NEK11: variants seen among roughly 807,000 people sequenced by gnomAD.
NEK11 encodes serine/threonine-protein kinase Nek11.
A neutral mutation model predicts 80.7 loss-of-function variants in NEK11; 72 were observed. That is an observed-to-expected ratio of 0.89 (90% confidence interval 0.74 to 1.08). The LOEUF is 1.08. NEK11 is among the 50% of genes least tolerant of loss of function. NEK11 has a pLI of 0.00. For missense variants in NEK11, 764 were observed against 763.6 expected (o/e 1.00, Z -0.01); for synonymous variants, 251 against 260.7 (o/e 0.96, Z 0.36).
intron 17 of NEK11, among the ~76,000 whole-genome samples, chr3:131,289,239 G>T (rs1190707893): frequency 6.6e-6 from 1 of 152,266 alleles, no homozygotes; most frequent in Middle Eastern, 3.4e-3. Context: ...GTCTCTGTGA[G>T]TTCAAATTTC....
intron 17 of NEK11, chr3:131,329,857 T>C (rs1191435582): frequency 6.6e-6 from 1 of 152,306 alleles, no homozygotes; most frequent in Non-Finnish European, 1.5e-5. Flanking sequence ...GGGAGGAAGG[T>C]AGGCAATCTG....
At chr3:131,197,287 G>A (rs1262760831) in intron 14 of NEK11, among the ~76,000 whole-genome samples, 1 of 152,112 alleles carries the variant, frequency 6.6e-6, no homozygotes, top group African/African-American at 2.4e-5. Flanking sequence ...GGGCGTAGTG[G>A]GGGTTATGCA....
chr3:131,164,813 T>C (rs1199289538), intron 11 of NEK11, among the ~76,000 whole-genome samples: 1 of 152,210 alleles, frequency 6.6e-6, no homozygotes, highest in Non-Finnish European at 1.5e-5. Context: ...AGAATTATAA[T>C]GTACCCGTTT....
At chr3:131,087,587 G>C (rs1032423064) in intron 4 of NEK11, among the ~76,000 whole-genome samples, 3 of 152,138 alleles carry the variant, frequency 2.0e-5, no homozygotes, top group Non-Finnish European at 4.4e-5. Context: ...TTTGAGGCAA[G>C]TACTTTCCGA....
At chr3:131,106,386 CT>C (rs2079187791) in intron 4 of NEK11, among the ~76,000 whole-genome samples, 1 of 150,614 alleles carries the variant, frequency 6.6e-6, no homozygotes, top group African/African-American at 2.4e-5. Flanking sequence ...CTATTTGACT[CT>C]TGCTTTTAAC....
intron 3 of NEK11, among the ~76,000 whole-genome samples, chr3:131,069,577 C>A (rs2072814381): frequency 6.6e-6 from 1 of 151,822 alleles, no homozygotes; most frequent in South Asian, 2.1e-4. Context: ...GGAACCAACC[C>A]AAATGTCCAA....
At position 131,286,832 on chromosome 3, in the gene NEK11, A is replaced by T. The variant is rs866655600; in HGVS notation, c.1718+13258A>T. On this transcript the variant is annotated intron_variant, in intron 17 of 17. Transcript: ENST00000383366. ...ATTGACAAAAAAAATTTACAAAGAGATTATTTTGGATTCTTGATAAGGTGG... is the reference window on the plus strand; with the variant it reads ...ATTGACAAAAAAAATTTACAAAGAGTTTATTTTGGATTCTTGATAAGGTGG... Among the ~76,000 whole-genome samples, 12 of 152,268 alleles carry T rather than the reference A, an allele frequency of 7.9e-5. No individual in the cohort carries two copies. The Middle Eastern group carries it at 0.014, about 173-fold the overall frequency.
In NEK11 at chr3:131,080,586, G is replaced by A; in HGVS notation, c.334G>A (p.Glu112Lys). 4 of 1,606,994 alleles carry A rather than the reference G, an allele frequency of 2.5e-6. No homozygotes were observed. Among genetic ancestry groups the A allele is most frequent in the Non-Finnish European group, 3.4e-6 (4 of 1,178,108 alleles). ...TTTCTGCATTATCACGGAGTACTGT[G>A]AGGTGAGACTCTCCTTTTCTCTTGG... ...DNFCIITEYC[E>K]GRDLDDKIQE... The change falls in exon 4 of 18, where the codon GAG (glutamate) becomes AAG (lysine). Residue 112 changes from glutamate to lysine, a missense_variant and splice_region_variant. Glu to Lys is a moderately conservative substitution (Grantham distance 56). Transcript: ENST00000383366.
chr3:131,084,885 G>A (rs1422314218), intron 4 of NEK11, among the ~76,000 whole-genome samples: 1 of 152,208 alleles, frequency 6.6e-6, no homozygotes, highest in Admixed American at 6.5e-5. Flanking sequence ...CTAAAATGCA[G>A]CCAGGGCTGA....
At chr3:131,185,879 C>T (rs536597873) in intron 14 of NEK11, among the ~76,000 whole-genome samples, 22 of 152,154 alleles carry the variant, frequency 1.4e-4, no homozygotes, top group Admixed American at 1.4e-3. Context: ...TGGGGCCAGA[C>T]TTTGTCTTTT....
At position 131,215,355 on chromosome 3, in the gene NEK11, T is replaced by C. The variant is rs1298659916; in HGVS notation, c.1400-13173T>C. Among the ~76,000 whole-genome samples the C allele has an allele frequency of 1.9e-4, 29 of 151,782 alleles. 1 individual carries two copies. Among genetic ancestry groups the C allele is most frequent in the Admixed American group, 1.9e-3 (29 of 15,254 alleles). On this transcript the variant is annotated intron_variant, in intron 14 of 17. Coordinates refer to ENST00000383366, the MANE Select transcript of NEK11 (RefSeq NM_024800.5). ...AGTTAATGGGTGCAGCACACCAACATGGCACACGTATACATATGTAACAGA... is the reference window on the plus strand; with the variant it reads ...AGTTAATGGGTGCAGCACACCAACACGGCACACGTATACATATGTAACAGA...
chr3:131,054,140 C>T (rs982192050), intron 3 of NEK11, among the ~76,000 whole-genome samples: 2 of 152,044 alleles, frequency 1.3e-5, no homozygotes, highest in Non-Finnish European at 2.9e-5. Flanking sequence ...CGGTTGAATC[C>T]AGGGGTTTGA....
intron 5 of NEK11, among the ~76,000 whole-genome samples, chr3:131,115,986 CTTTA>C (rs1415582512): frequency 3.7e-5 from 3 of 80,894 alleles, no homozygotes; most frequent in East Asian, 3.3e-4. Context: ...TTCTTTCTTT[CTTTA>C]TTATACTTTA....
intron 16 of NEK11, among the ~76,000 whole-genome samples, chr3:131,252,092 A>G (rs1326767451): frequency 6.6e-6 from 1 of 152,136 alleles, no homozygotes; most frequent in African/African-American, 2.4e-5. Flanking sequence ...AGGCCCACTA[A>G]CTGTAATAAT....
intron 17 of NEK11, among the ~76,000 whole-genome samples, chr3:131,310,915 C>T (rs59782120): frequency 0.012 from 1,816 of 152,286 alleles, 51 homozygotes; most frequent in African/African-American, 0.041. Context: ...CTTCTAGCTC[C>T]ACAGCATGAG....
chr3:131,298,442 T>G (rs2096625153), intron 17 of NEK11, among the ~76,000 whole-genome samples: 1 of 152,290 alleles, frequency 6.6e-6, no homozygotes, highest in Non-Finnish European at 1.5e-5. Flanking sequence ...GAATGGGAAT[T>G]CACTCATGAT....
At chr3:131,044,808 A>G (rs1270510294) in intron 3 of NEK11, among the ~76,000 whole-genome samples, 2 of 152,180 alleles carry the variant, frequency 1.3e-5, no homozygotes, top group African/African-American at 2.4e-5. Flanking sequence ...CCCCAAATCA[A>G]CAGAATATAC....
intron 10 of NEK11, among the ~76,000 whole-genome samples, chr3:131,160,843 G>C (rs937064329): frequency 1.3e-5 from 2 of 152,128 alleles, no homozygotes; most frequent in South Asian, 2.1e-4. Flanking sequence ...TTACATAATA[G>C]TAAAGGGTTC....
chr3:131,264,224 C>T (rs1282710704), intron 16 of NEK11, among the ~76,000 whole-genome samples: 1 of 152,130 alleles, frequency 6.6e-6, no homozygotes, highest in African/African-American at 2.4e-5. Flanking sequence ...TTAATTAGAT[C>T]CCATTTGTCA....
Sources: allele counts gnomAD v4.1 joint callset (sites outside exome capture counted in the v4.1 genomes callset), GRCh38; gene constraint gnomAD v4.1.1; transcripts MANE v1.5; gene names NCBI Gene and HGNC (gene_info 2026-07-23, HGNC 2026-07-21).